SEL1L3: variants seen among roughly 807,000 people sequenced by gnomAD.
The protein encoded by SEL1L3 is protein sel-1 homolog 3.
In SEL1L3, 76 loss-of-function variants were observed where a neutral mutation model predicts 142.8. The observed-to-expected ratio is 0.53, with a 90% CI of 0.44 to 0.64. The LOEUF (loss-of-function observed/expected upper bound fraction) is 0.64, where lower values mean the gene tolerates loss of function less well. Among genes scored for constraint, SEL1L3 ranks in the 30% least tolerant of loss-of-function variants. SEL1L3 has a pLI of 0.00. For missense variants in SEL1L3, 1,262 were observed against 1,381.7 expected (o/e 0.91, Z 1.37); for synonymous variants, 504 against 519.6 (o/e 0.97, Z 0.41).
downstream of SEL1L3, among the ~76,000 whole-genome samples, chr4:25,744,348 C>CTTCTTTTTTTT (rs1717198010): frequency 9.9e-6 from 1 of 101,426 alleles, no homozygotes; most frequent in Non-Finnish European, 1.9e-5. Context: ...ATGTGTGAGT[C>CTTCTTTTTTTT]TTTTTTTTTT....
the SEL1L3 span, among the ~76,000 whole-genome samples, chr4:25,734,372 C>T: frequency 6.6e-6 from 1 of 152,026 alleles, no homozygotes; most frequent in Admixed American, 6.6e-5. Context: ...TATAAAGGAA[C>T]ATTGGATTTT....
intron 2 of SEL1L3, among the ~76,000 whole-genome samples, chr4:25,840,012 G>A (rs748938517): frequency 1.3e-5 from 2 of 152,140 alleles, no homozygotes; most frequent in African/African-American, 2.4e-5. Flanking sequence ...TTAGAACCTG[G>A]GTTAGGACTG....
At chr4:25,750,484 G>T (rs1232557259) in intron 23 of SEL1L3, among the ~76,000 whole-genome samples, 2 of 152,164 alleles carry the variant, frequency 1.3e-5, no homozygotes, top group African/African-American at 4.8e-5. Flanking sequence ...TGAAATGAGA[G>T]AATGTTTGCA....
chr4:25,757,640 C>T, intron 22 of SEL1L3, 34 bp from the exon 23 acceptor site: 6 of 1,559,258 alleles, frequency 3.8e-6, no homozygotes, highest in Non-Finnish European at 5.2e-6. Flanking sequence ...TAGTGACTGA[C>T]AAAGGGCAGG....
chr4:25,741,826 T>C, the SEL1L3 span, among the ~76,000 whole-genome samples: 1 of 150,482 alleles, frequency 6.6e-6, no homozygotes, highest in Non-Finnish European at 1.5e-5. Context: ...ATTATTATTA[T>C]ATATATTTTT....
At chr4:25,820,766 ATTTC>A (rs1381273162) in intron 7 of SEL1L3, among the ~76,000 whole-genome samples, 2 of 152,210 alleles carry the variant, frequency 1.3e-5, no homozygotes, top group East Asian at 1.9e-4. Flanking sequence ...TATTAAACAC[ATTTC>A]TTTCTTTCTT....
chr4:25,839,613 CAACTT>C (rs568180865), intron 2 of SEL1L3, among the ~76,000 whole-genome samples: 2 of 152,118 alleles, frequency 1.3e-5, no homozygotes, highest in Non-Finnish European at 2.9e-5. Flanking sequence ...AAACGGGACA[CAACTT>C]AACGCTTGTA....
At chr4:25,746,705 G>A (rs957247710), downstream of SEL1L3, among the ~76,000 whole-genome samples, 22 of 151,236 alleles carry the variant, frequency 1.5e-4, no homozygotes, top group African/African-American at 5.4e-4. Context: ...CTTCTCCTTC[G>A]CCTTCTGCCA....
chr4:25,729,482 G>A, the SEL1L3 span, among the ~76,000 whole-genome samples: 26 of 152,292 alleles, frequency 1.7e-4, no homozygotes, highest in African/African-American at 5.1e-4. Context: ...CGGAGGCTGA[G>A]GCGGGCAGAT....
chr4:25,772,893 G>T (rs1002159671), intron 17 of SEL1L3, among the ~76,000 whole-genome samples: 4 of 152,126 alleles, frequency 2.6e-5, no homozygotes, highest in Non-Finnish European at 5.9e-5. Context: ...CACCTCCTGG[G>T]TTCAAGCAAT....
chr4:25,767,917 C>A (rs1718866367), intron 17 of SEL1L3, 87 bp from the exon 18 acceptor site: 3 of 785,850 alleles, frequency 3.8e-6, no homozygotes, highest in African/African-American at 1.8e-5. Context: ...TAAGAGGGCA[C>A]AAAATAAGCA....
intron 1 of SEL1L3, among the ~76,000 whole-genome samples, 160 bp downstream of exon 1, chr4:25,862,515 C>G (rs1717791606): frequency 6.6e-6 from 1 of 152,204 alleles, no homozygotes; most frequent in African/African-American, 2.4e-5. Context: ...GCCCGGGGTA[C>G]CTATCCCAGG....
rs1463332807 is a variant in SEL1L3, at chr4:25,759,029, T to C, written c.2995A>G (p.Ile999Val). 2 of 1,613,708 alleles carry C rather than the reference T, an allele frequency of 1.2e-6. No individual in the cohort carries two copies. The change falls in exon 21 of 24, where the codon ATA becomes GTA. Residue 999 changes from isoleucine to valine, a missense_variant. Coordinates refer to ENST00000399878, the MANE Select transcript of SEL1L3 (RefSeq NM_015187.5). Reference sequence around the variant, plus strand: ...AAATCCAAGATATGGTGTGGGATTATCGTACCTTCCTCGATTAGCAGGGCC... The same window carrying C: ...AAATCCAAGATATGGTGTGGGATTACCGTACCTTCCTCGATTAGCAGGGCC... ...NLALLIEEGT[I>V]IPHHILDFLE...
the SEL1L3 span, among the ~76,000 whole-genome samples, chr4:25,739,761 T>C: frequency 2.7e-5 from 1 of 37,028 alleles, no homozygotes; most frequent in Non-Finnish European, 4.4e-5. Flanking sequence ...GAAAAAATAA[T>C]GTGTGTGTGT....
At chr4:25,741,813 T>C in the SEL1L3 span, among the ~76,000 whole-genome samples, 1 of 150,592 alleles carries the variant, frequency 6.6e-6, no homozygotes, top group Non-Finnish European at 1.5e-5. Flanking sequence ...TTTATTATAT[T>C]ATATTATTAT....
intron 23 of SEL1L3, among the ~76,000 whole-genome samples, chr4:25,752,234 T>C (rs550493415): frequency 1.3e-5 from 2 of 151,490 alleles, no homozygotes; most frequent in African/African-American, 4.8e-5. Flanking sequence ...ACAGCCAACA[T>C]GGTGAAACCC....
intron 9 of SEL1L3, among the ~76,000 whole-genome samples, chr4:25,809,654 ATC>A (rs201386655): frequency 6.7e-6 from 1 of 148,282 alleles, no homozygotes; most frequent in East Asian, 2.0e-4. Flanking sequence ...TCCTTCCTCC[ATC>A]TCTCTCTCTC....
intron 1 of SEL1L3, among the ~76,000 whole-genome samples, chr4:25,848,323 G>T (rs752827936): frequency 6.6e-6 from 1 of 152,160 alleles, no homozygotes; most frequent in Admixed American, 6.5e-5. Flanking sequence ...GTGCACCCTC[G>T]AGGGAACATA....
chr4:25,799,287 C>G (rs907529637), intron 11 of SEL1L3, among the ~76,000 whole-genome samples: 4 of 152,104 alleles, frequency 2.6e-5, no homozygotes, highest in Non-Finnish European at 4.4e-5. Context: ...GTTGCCCAGA[C>G]TGGTCTTAAA....
Sources: gnomAD v4.1 joint callset for allele counts (sites outside exome capture counted in the v4.1 genomes callset) on GRCh38, gnomAD v4.1.1 for gene constraint, MANE v1.5 for transcripts, NCBI Gene and HGNC (gene_info 2026-07-23, HGNC 2026-07-21) for gene names.